TBC1D19: variants seen among roughly 807,000 people sequenced by gnomAD.
TBC1D19 encodes the protein TBC1 domain family member 19.
Under a neutral mutation model 89.0 loss-of-function variants are expected in TBC1D19, and 60 were observed. The observed-to-expected ratio is 0.67, with a 90% CI of 0.55 to 0.84. The LOEUF is 0.84. Among genes scored for constraint, TBC1D19 ranks in the 40% least tolerant of loss-of-function variants. The probability of loss-of-function intolerance (pLI) is 0.00; values close to 1 mark genes in which losing one functional copy is unlikely to be tolerated. For missense variants in TBC1D19, 500 were observed against 610.8 expected (o/e 0.82, Z 1.91); for synonymous variants, 189 against 199.7 (o/e 0.95, Z 0.45).
the TBC1D19 span, among the ~76,000 whole-genome samples, chr4:26,846,511 G>GGATT: frequency 1.3e-5 from 2 of 151,970 alleles, no homozygotes; most frequent in African/African-American, 4.8e-5. Flanking sequence ...ATTGTCAAAT[G>GGATT]GATTGCACAT....
intron 4 of TBC1D19, among the ~76,000 whole-genome samples, chr4:26,630,960 G>T (rs1742769616): frequency 6.6e-6 from 1 of 151,900 alleles, no homozygotes; most frequent in Non-Finnish European, 1.5e-5. Flanking sequence ...TCTTCATCTT[G>T]GATTTCCCCT....
At chr4:26,852,375 A>G in the TBC1D19 span, among the ~76,000 whole-genome samples, 42 of 152,066 alleles carry the variant, frequency 2.8e-4, no homozygotes, top group African/African-American at 9.4e-4. Context: ...GCAACATGAC[A>G]CAACTCCTAT....
intron 4 of TBC1D19, among the ~76,000 whole-genome samples, chr4:26,636,514 G>C (rs1029693787): frequency 7.1e-6 from 1 of 141,446 alleles, no homozygotes; most frequent in Non-Finnish European, 1.5e-5. Context: ...AAGAAGAATA[G>C]AGAGATTCTG....
At chr4:26,817,968 T>TAAAA in the TBC1D19 span, among the ~76,000 whole-genome samples, 33 of 119,178 alleles carry the variant, frequency 2.8e-4, no homozygotes, top group African/African-American at 1.1e-3. Flanking sequence ...AAACTCCATT[T>TAAAA]AAAAAAAAAA....
At chr4:26,761,733 C>T in the TBC1D19 span, among the ~76,000 whole-genome samples, 1 of 152,074 alleles carries the variant, frequency 6.6e-6, no homozygotes, top group Admixed American at 6.6e-5. Flanking sequence ...AGAAGTGTTG[C>T]AGCTCACCTA....
intron 3 of TBC1D19, 35 bp downstream of exon 3, chr4:26,614,488 G>A (rs777430169): frequency 1.3e-6 from 2 of 1,499,124 alleles, no homozygotes; most frequent in Non-Finnish European, 1.8e-6. Flanking sequence ...ATAGTATTTT[G>A]TTTAGCTATA....
chr4:26,593,949 A>G (rs1216144489), intron 1 of TBC1D19, among the ~76,000 whole-genome samples: 1 of 152,210 alleles, frequency 6.6e-6, no homozygotes, highest in Non-Finnish European at 1.5e-5. Flanking sequence ...TCAGGGATCT[A>G]GAACTAGAAA....
Position 26,613,149 on chromosome 4 carries a change from A to T in TBC1D19, c.100-20A>T, listed in dbSNP as rs1460230394. On this transcript the variant is annotated intron_variant, in intron 1 of 20. Transcript: ENST00000264866. ...TTTTCCTTCCTTATCTTTCTTTTTT[A>T]TTATTATTATTATTCTTAGGCCAGT... is the stretch of plus-strand genomic sequence containing the variant. 6.0e-6 allele frequency: 8 copies of T among 1,323,336 alleles called. No homozygotes were observed. Among genetic ancestry groups the T allele is most frequent in the South Asian group, 1.4e-5 (1 of 70,290 alleles). The allele number at this position is 1,323,336 out of a possible 1,614,324, so 82.0% of individuals were successfully genotyped here.
chr4:26,740,055 C>A (rs1718266911), intron 17 of TBC1D19, 82 bp downstream of exon 17: 2 of 817,448 alleles, frequency 2.4e-6, no homozygotes, highest in Non-Finnish European at 3.6e-6. Context: ...GTCTTCTACT[C>A]AAATTCTAAC....
chr4:26,841,385 C>CAA, the TBC1D19 span, among the ~76,000 whole-genome samples: 2 of 110,296 alleles, frequency 1.8e-5, no homozygotes, highest in African/African-American at 3.6e-5. Flanking sequence ...GACTCTGTCT[C>CAA]AAAAAAAAAA....
At chr4:26,831,414 A>T in the TBC1D19 span, among the ~76,000 whole-genome samples, 21 of 152,180 alleles carry the variant, frequency 1.4e-4, no homozygotes, top group Non-Finnish European at 1.5e-5. Context: ...CTGCTGTTAC[A>T]GTAAAAAGAA....
At position 26,735,506 on chromosome 4, in the gene TBC1D19, AC is replaced by A. The variant is rs1717991502; in HGVS notation, c.1117+20del. The A allele has an allele frequency of 6.4e-7, 1 of 1,556,762 alleles. No homozygotes were observed. Among genetic ancestry groups the A allele is most frequent in the African/African-American group, 1.4e-5 (1 of 72,978 alleles). ...ATGTATGGTAAGTTGGGCTTTAAAAACATCATAATGTACACAAAACATACAA... is the reference window on the plus strand; with the variant it reads ...ATGTATGGTAAGTTGGGCTTTAAAAAATCATAATGTACACAAAACATACAA... On this transcript the variant is annotated intron_variant, in intron 16 of 20. Transcript: ENST00000264866.
intron 17 of TBC1D19, among the ~76,000 whole-genome samples, chr4:26,740,296 A>G (rs1432731207): frequency 6.6e-6 from 1 of 152,186 alleles, no homozygotes; most frequent in Non-Finnish European, 1.5e-5. Flanking sequence ...TATGAAATGA[A>G]GTAAATAATA....
intron 13 of TBC1D19, among the ~76,000 whole-genome samples, chr4:26,688,787 C>A (rs1260777951): frequency 6.6e-6 from 1 of 152,000 alleles, no homozygotes; most frequent in East Asian, 1.9e-4. Flanking sequence ...AATAATGTTT[C>A]AAAATCAATT....
chr4:26,843,346 T>C, the TBC1D19 span, among the ~76,000 whole-genome samples: 1 of 152,100 alleles, frequency 6.6e-6, no homozygotes, highest in East Asian at 1.9e-4. Flanking sequence ...TTACGACTCT[T>C]CTATATTCAC....
At position 26,659,658 on chromosome 4, in the gene TBC1D19, A is replaced by C. The variant is rs1282589158; in HGVS notation, c.542A>C (p.His181Pro). 6.3e-7 allele frequency: 1 copy of C among 1,595,994 alleles called. No homozygotes were observed. ...GGTGATTCTCTTAGTTTCAGGACTC[A>C]TTTGGGTTTAATTCAAGTTCCACTG... ...ENGDSLSFRT[H>P]LGLIQVPLKV... The change falls in exon 8 of 21, where the codon CAT becomes CCT. Residue 181 changes from histidine to proline, a missense_variant. Transcript: ENST00000264866.
chr4:26,817,975 A>ACATATATATATATATATATATATAT, the TBC1D19 span, among the ~76,000 whole-genome samples: 9 of 105,202 alleles, frequency 8.6e-5, no homozygotes, highest in Admixed American at 1.9e-4. Context: ...ATTTAAAAAA[A>ACATATATATATATATATATATATAT]AAAAAAATAT....
At chr4:26,654,823 C>T (rs923036611) in intron 7 of TBC1D19, among the ~76,000 whole-genome samples, 2 of 152,102 alleles carry the variant, frequency 1.3e-5, no homozygotes, top group African/African-American at 4.8e-5. Context: ...GTTCGAACTT[C>T]CTCCTTTAGC....
chr4:26,831,054 T>C, the TBC1D19 span, among the ~76,000 whole-genome samples: 1 of 152,242 alleles, frequency 6.6e-6, no homozygotes, highest in African/African-American at 2.4e-5. Flanking sequence ...TTAGGTTGCA[T>C]GTGGACATAC....
Sources: allele counts gnomAD v4.1 joint callset (sites outside exome capture counted in the v4.1 genomes callset), GRCh38; gene constraint gnomAD v4.1.1; transcripts MANE v1.5; gene names NCBI Gene and HGNC (gene_info 2026-07-23, HGNC 2026-07-21).